Variants in UBXN11 observed in about 807,000 individuals in gnomAD.
UBXN11 encodes the protein UBX domain protein 11.
A neutral mutation model predicts 62.8 loss-of-function variants in UBXN11; 47 were observed. The ratio of observed to expected loss-of-function variants is 0.75; its 90% CI spans 0.59 to 0.95. UBXN11 has a LOEUF of 0.95. Among genes scored for constraint, UBXN11 ranks in the 40% least tolerant of loss-of-function variants. UBXN11 has a pLI of 0.00. For synonymous variants in UBXN11, 294 were observed against 267.0 expected (o/e 1.10, Z -0.99); for missense variants, 638 against 661.7 (o/e 0.96, Z 0.39).
At chr1:26,294,024 G>A (rs544028870) in intron 8 of UBXN11, among the ~76,000 whole-genome samples, 181 bp downstream of exon 8, 1 of 152,304 alleles carries the variant, frequency 6.6e-6, no homozygotes, top group South Asian at 2.1e-4. Flanking sequence ...CAGGTTAAGT[G>A]GTCAGTGATG....
chr1:26,304,426 T>A (rs549763932), intron 1 of UBXN11, among the ~76,000 whole-genome samples: 3 of 152,122 alleles, frequency 2.0e-5, no homozygotes, highest in Non-Finnish European at 4.4e-5. Flanking sequence ...GGCTCATGCC[T>A]ATAATCCCAG....
At position 26,285,114 on chromosome 1, in the gene UBXN11, C is replaced by T. The variant is rs1051240065; in HGVS notation, c.852+350G>A. On this transcript the variant is annotated intron_variant, in intron 10 of 14. Transcript: ENST00000374222. Reference sequence around the variant, plus strand: ...TTGCATTTGTGGCTCACAGCACTGCCTCCCACCCTACCCAGATAGCTTCAG... The same window carrying T: ...TTGCATTTGTGGCTCACAGCACTGCTTCCCACCCTACCCAGATAGCTTCAG... 4 of 1,073,056 alleles carry T rather than the reference C, an allele frequency of 3.7e-6. No homozygotes were observed. In the African/African-American group the frequency reaches 5.0e-5, roughly 14 times the overall value. 66.5% of individuals were successfully genotyped at this position (1,073,056 alleles called of 1,614,324 possible).
At chr1:26,301,160 G>C in intron 3 of UBXN11, 136 bp from the exon 4 acceptor site, 1 of 1,508,206 alleles carries the variant, frequency 6.6e-7, no homozygotes, top group Admixed American at 2.1e-5. Flanking sequence ...CACAAGGCTG[G>C]GGAGCAAGGA....
chr1:26,284,816 A>C (rs1364485695), intron 10 of UBXN11: 3 of 1,084,848 alleles, frequency 2.8e-6, no homozygotes, highest in Non-Finnish European at 2.2e-6. Context: ...TCTGCAGCAC[A>C]AACCGCATCA....
At chr1:26,303,024 G>A (rs994825253) in intron 1 of UBXN11, 106 bp from the exon 2 acceptor site, 13 of 700,152 alleles carry the variant, frequency 1.9e-5, no homozygotes, top group African/African-American at 1.3e-4. Context: ...AATGGGAAGC[G>A]CTGTCTAGGC....
upstream of UBXN11, chr1:26,306,837 G>GGGGGGGGGGGGGGGTTGGT (rs2073682363): frequency 3.2e-5 from 2 of 63,372 alleles, no homozygotes; most frequent in Non-Finnish European, 3.5e-5. Context: ...GGTGGGGGGG[G>GGGGGGGGGGGGGGGTTGGT]GGGGTGGTTC....
intron 8 of UBXN11, 94 bp from the exon 9 acceptor site, chr1:26,286,131 G>T: frequency 8.6e-7 from 1 of 1,162,946 alleles, no homozygotes; most frequent in Non-Finnish European, 1.2e-6. Context: ...CTGGGCAGTG[G>T]TCTTAATGTC....
chr1:26,294,085 G>A, intron 8 of UBXN11, 120 bp downstream of exon 8: 1 of 1,463,186 alleles, frequency 6.8e-7, no homozygotes, highest in Non-Finnish European at 9.2e-7. Context: ...TGGGCTCTCA[G>A]GGCGTCTTGG....
At position 26,294,272 on chromosome 1, in the gene UBXN11, T is replaced by C. The variant is rs2073343212; in HGVS notation, c.492A>G (p.Ser164=). ...WVGEPMDQED[S]ESKTVSEHGE... is the part of the protein sequence containing the mutation. ...CATGCTCTGAGACTGTCTTGCTCTCTGAGTCCTCCTGGTCCATGGGCTCGC... is the reference window on the plus strand; with the variant it reads ...CATGCTCTGAGACTGTCTTGCTCTCCGAGTCCTCCTGGTCCATGGGCTCGC... Residue 164 remains serine, a synonymous_variant, in exon 8 of 15, where the codon TCA becomes TCG. Coordinates refer to ENST00000374222, the MANE Select transcript of UBXN11 (RefSeq NM_001389556.1). 3 of 1,614,212 alleles carry C rather than the reference T, an allele frequency of 1.9e-6. No individual in the cohort carries two copies. Among genetic ancestry groups the C allele is most frequent in the Non-Finnish European group, 2.5e-6 (3 of 1,180,012 alleles).
At chr1:26,311,149 T>C (rs888259709), upstream of UBXN11, among the ~76,000 whole-genome samples, 4 of 151,290 alleles carry the variant, frequency 2.6e-5, no homozygotes, top group African/African-American at 9.7e-5. Flanking sequence ...TCTTTTTTTT[T>C]TTTTTTTTGA....
intron 1 of UBXN11, among the ~76,000 whole-genome samples, chr1:26,316,598 G>A (rs1298990331): frequency 1.3e-5 from 2 of 152,150 alleles, no homozygotes; most frequent in Non-Finnish European, 2.9e-5. Flanking sequence ...AAGGTCAAAT[G>A]AGACTGGCTC....
chr1:26,292,470 G>A (rs987197331), intron 8 of UBXN11, among the ~76,000 whole-genome samples: 11 of 152,124 alleles, frequency 7.2e-5, no homozygotes, highest in Non-Finnish European at 1.5e-4. Flanking sequence ...AGTGAGCCAT[G>A]ACTGTGCCAC....
intron 8 of UBXN11, among the ~76,000 whole-genome samples, chr1:26,289,080 C>T (rs574722245): frequency 5.9e-5 from 9 of 152,292 alleles, no homozygotes; most frequent in Middle Eastern, 3.4e-3. Context: ...TGTCCCAACT[C>T]CCAAGACCCT....
intron 10 of UBXN11, chr1:26,285,096 T>C: frequency 9.6e-7 from 1 of 1,039,198 alleles, no homozygotes; most frequent in Admixed American, 5.3e-5. Flanking sequence ...GCTTTGCATT[T>C]GTGGCTCACA....
intron 3 of UBXN11, among the ~76,000 whole-genome samples, 164 bp downstream of exon 3, chr1:26,301,530 G>A (rs2073533785): frequency 6.6e-6 from 1 of 152,160 alleles, no homozygotes; most frequent in Non-Finnish European, 1.5e-5. Flanking sequence ...CAGGAGGGAA[G>A]CCCAGCCCTC....
intron 1 of UBXN11, among the ~76,000 whole-genome samples, chr1:26,315,183 G>T (rs183389947): frequency 6.6e-6 from 1 of 152,326 alleles, no homozygotes; most frequent in Non-Finnish European, 1.5e-5. Flanking sequence ...AGGGTGTCAG[G>T]AGGTGAAAAT....
At position 26,282,915 on chromosome 1, in the gene UBXN11, C is replaced by T. The variant is rs371990639; in HGVS notation, c.1100G>A (p.Arg367Gln). ...CGTCTCCACCACAATCTCCTGGATC[C>T]GGGCAGGCAATGGGCAGCAGTTCTG... The part of the protein sequence containing the change: ...TLQNCCPLPA[R>Q]IQEIVVETPT... The change falls in exon 13 of 15, where the codon CGG becomes CAG. Residue 367 changes from arginine to glutamine, a missense_variant. Coordinates refer to ENST00000374222, the MANE Select transcript of UBXN11 (RefSeq NM_001389556.1). 9.3e-6 allele frequency: 15 copies of T among 1,614,038 alleles called. No individual in the cohort carries two copies. The highest frequency in any genetic ancestry group is 1.7e-5 in the Admixed American group (1 of 60,006).
chr1:26,285,509 AAAG>A lies in UBXN11; in HGVS notation c.804_806del (p.Phe269del), dbSNP rs2073108012. ...GGTACAGTCGCTGGAGCTCTGAGGGAAAGAAGCCATCCAATATGTCTCGGAGGC... is the reference window on the plus strand; with the variant it reads ...GGTACAGTCGCTGGAGCTCTGAGGGAAAGCCATCCAATATGTCTCGGAGGC... On this transcript the variant is annotated inframe_deletion, in exon 10 of 15. Coordinates refer to ENST00000374222, the MANE Select transcript of UBXN11 (RefSeq NM_001389556.1). 5 of 1,599,334 alleles carry A rather than the reference AAAG, an allele frequency of 3.1e-6. No homozygotes were observed. Among genetic ancestry groups the A allele is most frequent in the Non-Finnish European group, 4.3e-6 (5 of 1,169,612 alleles).
chr1:26,310,204 C>T (rs1277722944), upstream of UBXN11, among the ~76,000 whole-genome samples: 1 of 152,156 alleles, frequency 6.6e-6, no homozygotes, highest in Non-Finnish European at 1.5e-5. Flanking sequence ...AGTTCGAGAC[C>T]AGCCTGGCCA....
Sources: gnomAD v4.1 joint callset for allele counts (sites outside exome capture counted in the v4.1 genomes callset) on GRCh38, gnomAD v4.1.1 for gene constraint, MANE v1.5 for transcripts, NCBI Gene and HGNC (gene_info 2026-07-23, HGNC 2026-07-21) for gene names.